Variants in TSR1 observed in about 807,000 individuals in gnomAD.
TSR1 encodes the protein TSR1 ribosome maturation factor.
TSR1 carries 81 observed loss-of-function variants against 90.9 expected under a neutral mutation model. The observed-to-expected ratio is 0.89, with a 90% confidence interval of 0.74 to 1.07. The LOEUF is 1.07. Ranked by LOEUF, TSR1 falls within the 50% of genes least tolerant of loss-of-function variation. TSR1 has a pLI of 0.00. For synonymous variants in TSR1, 362 were observed against 348.8 expected, an observed-to-expected ratio of 1.04 and a Z score of -0.42; for missense variants, 989 against 987.3, an observed-to-expected ratio of 1.00 and a Z score of -0.02.
At position 2,324,150 on chromosome 17, in the gene TSR1, C is replaced by A; in HGVS notation, c.*46G>T. ...CAATCACAACTTGTGCCTCCCATCC[C>A]TGGAGTACTGACTGGCACCGGTAAG... On this transcript the variant is annotated 3_prime_UTR_variant, in exon 15 of 15. Transcript: ENST00000301364. 6.6e-7 allele frequency: 1 copy of A among 1,511,322 alleles called. No individual in the cohort carries two copies. Among genetic ancestry groups the A allele is most frequent in the South Asian group, 1.4e-5 (1 of 71,636 alleles). The allele number at this position is 1,511,322 out of a possible 1,614,324, so 93.6% of individuals were successfully genotyped here.
chr17:2,325,169 G>T, intron 12 of TSR1, 135 bp downstream of exon 12: 1 of 698,242 alleles, frequency 1.4e-6, no homozygotes, highest in Non-Finnish European at 2.4e-6. Flanking sequence ...AATGTTAAAT[G>T]AAGACTTACT....
In TSR1 at chr17:2,324,358, C is replaced by G. The variant is rs1567781254; in HGVS notation, c.2253G>C (p.Met751Ile). 3 of 1,564,976 alleles carry G rather than the reference C, an allele frequency of 1.9e-6. No individual in the cohort carries two copies. Among genetic ancestry groups the G allele is most frequent in the Non-Finnish European group, 2.6e-6 (3 of 1,159,096 alleles). Residue 751 changes from methionine (M) to isoleucine (I), a missense_variant, in exon 15 of 15, where the codon ATG becomes ATC. Transcript: ENST00000301364. ...TTAGCTTCCCATCAAAGCTGCATTT[C>G]ATGTGGCCATGGGTACCTAGAAAGA... Reference protein sequence around the residue: ...IKEPLGTHGHMKCSFDGKLKS... With the variant: ...IKEPLGTHGHIKCSFDGKLKS...
intron 8 of TSR1, among the ~76,000 whole-genome samples, chr17:2,331,325 C>G (rs949476912): frequency 6.6e-6 from 1 of 152,154 alleles, no homozygotes; most frequent in Non-Finnish European, 1.5e-5. Flanking sequence ...AAAAAAGATG[C>G]TTGGTAATGG....
At chr17:2,332,837 A>AT (rs2064016493) in intron 7 of TSR1, 124 bp downstream of exon 7, 2 of 975,760 alleles carry the variant, frequency 2.0e-6, no homozygotes, top group Non-Finnish European at 2.9e-6. Flanking sequence ...ACTCCGTCTC[A>AT]TAAAAAAAAA....
At chr17:2,326,550 C>G (rs987920413) in intron 11 of TSR1, among the ~76,000 whole-genome samples, 9 of 152,192 alleles carry the variant, frequency 5.9e-5, no homozygotes, top group African/African-American at 2.2e-4. Context: ...TTATCACACC[C>G]TTTTAAATTC....
chr17:2,324,928 T>G (rs2075566335), intron 12 of TSR1, 99 bp from the exon 13 acceptor site: 2 of 1,401,240 alleles, frequency 1.4e-6, no homozygotes, highest in Non-Finnish European at 1.9e-6. Flanking sequence ...GCCTGGTTTG[T>G]CATCCCTGCC....
intron 11 of TSR1, among the ~76,000 whole-genome samples, chr17:2,327,983 G>T (rs2075584452): frequency 1.3e-5 from 2 of 151,994 alleles, no homozygotes; most frequent in Non-Finnish European, 2.9e-5. Context: ...AGGCGCAGTG[G>T]CTCACGCCTG....
Position 2,324,399 on chromosome 17 carries a change from G to A in TSR1, c.2237-25C>T, listed in dbSNP as rs775271993. On this transcript the variant is annotated intron_variant, in intron 14 of 14. Transcript: ENST00000301364. Reference sequence around the variant, plus strand: ...CCTAGAAAGACATCAGAACAAGTCGGTCAAATTAAAAGTAGAAAATTTTAA... The same window carrying A: ...CCTAGAAAGACATCAGAACAAGTCGATCAAATTAAAAGTAGAAAATTTTAA... 5.0e-6 allele frequency: 8 copies of A among 1,594,686 alleles called. No homozygotes were observed. In the East Asian group the frequency reaches 1.6e-4, roughly 31 times the overall value.
intron 3 of TSR1, 30 bp from the exon 4 acceptor site, chr17:2,335,424 T>C: frequency 6.3e-7 from 1 of 1,598,748 alleles, no homozygotes. Context: ...TAAGAAGAGG[T>C]GGTTGGCACC....
chr17:2,327,416 C>CAAA (rs770269783), intron 11 of TSR1, among the ~76,000 whole-genome samples: 6,240 of 126,508 alleles, frequency 0.049, 222 homozygotes, highest in South Asian at 0.097. Flanking sequence ...GACTCTATAT[C>CAAA]AAAAAAAAAA....
intron 5 of TSR1, 119 bp downstream of exon 5, chr17:2,334,353 C>T: frequency 9.3e-7 from 1 of 1,072,574 alleles, no homozygotes; most frequent in Non-Finnish European, 1.4e-6. Flanking sequence ...CTGACTATTG[C>T]CTTACTTCAG....
At chr17:2,333,860 T>A in intron 5 of TSR1, 144 bp from the exon 6 acceptor site, 1 of 1,039,262 alleles carries the variant, frequency 9.6e-7, no homozygotes, top group Non-Finnish European at 1.4e-6. Context: ...ACTTTTCCAA[T>A]GGCTGTTTTC....
chr17:2,323,083 T>C lies in TSR1; in HGVS notation c.*1113A>G. 2 of 1,574,230 alleles carry C rather than the reference T, an allele frequency of 1.3e-6. No homozygotes were observed. The highest frequency in any genetic ancestry group is 1.7e-6 in the Non-Finnish European group (2 of 1,144,594). On this transcript the variant is annotated 3_prime_UTR_variant, in exon 15 of 15. Transcript: ENST00000301364. ...CCAGGCCCATATTTTCTTTTAGACA[T>C]GCAGGCAATGTTGTGGTTTGTTGTT... is the stretch of plus-strand genomic sequence containing the variant.
rs748873521 is a variant in TSR1 at position 2,336,418 on chromosome 17, G to A, written c.10C>T (p.His4Tyr). The change falls in exon 1 of 15, where the codon CAC becomes TAC. Residue 4 changes from histidine (H) to tyrosine (Y), a missense_variant. Physicochemically the swap from His to Tyr is moderately conservative, Grantham distance 83. Coordinates refer to ENST00000301364, the MANE Select transcript of TSR1 (RefSeq NM_018128.5). MAA[H>Y]RPGPLKQQNK... ...TGCTGCTTGAGCGGGCCGGGGCGGT[G>A]GGCCGCCATGCCGCAGCGCGCGTGT... 4.3e-6 allele frequency: 7 copies of A among 1,610,754 alleles called. No homozygotes were observed. The highest frequency in any genetic ancestry group is 1.7e-5 in the Admixed American group (1 of 59,970).
In TSR1 at chr17:2,323,004, A is replaced by T; in HGVS notation, c.*1192T>A. ...GGTCTTGAACTCCTGACCTCAGCTG[A>T]TCCACCCGCCTCGGGCTCCCAAAGT... On this transcript the variant is annotated 3_prime_UTR_variant, in exon 15 of 15. Transcript: ENST00000301364. 2 of 862,828 alleles carry T rather than the reference A, an allele frequency of 2.3e-6. No homozygotes were observed. The highest frequency in any genetic ancestry group is 3.6e-6 in the Non-Finnish European group (2 of 552,528). 53.4% of individuals were successfully genotyped at this position (862,828 alleles called of 1,614,324 possible). A position where few individuals can be genotyped will look rare whatever the true frequency, so the allele number is the denominator to read the frequency against.
intron 11 of TSR1, among the ~76,000 whole-genome samples, chr17:2,327,976 C>T (rs1010270724): frequency 1.3e-5 from 2 of 151,818 alleles, no homozygotes; most frequent in Admixed American, 6.6e-5. Context: ...ACTGGCCAGG[C>T]GCAGTGGCTC....
At position 2,323,511 on chromosome 17, in the gene TSR1, A is replaced by G; in HGVS notation, c.*685T>C. ...ATGACAACCCTCTTGACAGAAGCAG[A>G]GTCAGAATTAAAGAAAAGCTTTGGG... On this transcript the variant is annotated 3_prime_UTR_variant, in exon 15 of 15. Coordinates refer to ENST00000301364, the MANE Select transcript of TSR1 (RefSeq NM_018128.5). 8.7e-7 allele frequency: 1 copy of G among 1,145,510 alleles called. No homozygotes were observed. Among genetic ancestry groups the G allele is most frequent in the Non-Finnish European group, 1.2e-6 (1 of 802,568 alleles). 71.0% of individuals were successfully genotyped at this position (1,145,510 alleles called of 1,614,324 possible).
intron 11 of TSR1, among the ~76,000 whole-genome samples, chr17:2,326,424 A>G (rs1424271013): frequency 6.6e-6 from 1 of 151,834 alleles, no homozygotes. Flanking sequence ...CCCGTCCAGT[A>G]GTCTCTCAGT....
In TSR1 at chr17:2,323,413, T is replaced by C. The variant is rs1437651427; in HGVS notation, c.*783A>G. The C allele has an allele frequency of 1.7e-5, 27 of 1,581,192 alleles. No individual in the cohort carries two copies. Among genetic ancestry groups the C allele is most frequent in the Non-Finnish European group, 2.3e-5 (27 of 1,153,568 alleles). On this transcript the variant is annotated 3_prime_UTR_variant, in exon 15 of 15. Coordinates refer to ENST00000301364, the MANE Select transcript of TSR1 (RefSeq NM_018128.5). ...CTTCTTAGGCAGAAGAAACTTCCCT[T>C]AGGAGTAGCAAGTGACCCACGGGAA...
Sources: gnomAD v4.1 joint callset for allele counts (sites outside exome capture counted in the v4.1 genomes callset) on GRCh38, gnomAD v4.1.1 for gene constraint, MANE v1.5 for transcripts, NCBI Gene and HGNC (gene_info 2026-07-23, HGNC 2026-07-21) for gene names.